Variants in VAV3 observed in about 807,000 individuals in gnomAD.
VAV3 encodes the protein guanine nucleotide exchange factor VAV3.
A neutral mutation model predicts 131.2 loss-of-function variants in VAV3; 94 were observed. The ratio of observed to expected loss-of-function variants is 0.72; its 90% CI spans 0.61 to 0.85. The LOEUF (loss-of-function observed/expected upper bound fraction) is 0.85. Among genes scored for constraint, VAV3 ranks in the 40% least tolerant of loss-of-function variants. The pLI, the probability that VAV3 is intolerant of heterozygous loss-of-function variation, is 0.00. For missense variants in VAV3, 939 were observed against 1,002.7 expected, an observed-to-expected ratio of 0.94 and a Z score of 0.86; for synonymous variants, 349 against 342.0, an observed-to-expected ratio of 1.02 and a Z score of -0.22.
At chr1:107,726,414 C>T (rs12130995) in intron 15 of VAV3, among the ~76,000 whole-genome samples, 21,527 of 152,194 alleles carry the variant, frequency 0.14, 1,731 homozygotes, top group African/African-American at 0.2. Context: ...AGGTGTGGAC[C>T]GCCAATGGCC....
chr1:107,669,609 C>T, intron 19 of VAV3: 1 of 1,099,416 alleles, frequency 9.1e-7, no homozygotes, highest in Admixed American at 4.4e-5. Flanking sequence ...TCTTGCACAA[C>T]AGGTTTTTTT....
At chr1:107,658,264 CA>C (rs1168035130) in intron 19 of VAV3, among the ~76,000 whole-genome samples, 3 of 152,206 alleles carry the variant, frequency 2.0e-5, no homozygotes, top group African/African-American at 7.2e-5. Context: ...CATGTCCCTA[CA>C]AAGGACATGA....
At chr1:107,860,493 T>C (rs1165278880) in intron 2 of VAV3, among the ~76,000 whole-genome samples, 2 of 151,458 alleles carry the variant, frequency 1.3e-5, no homozygotes, top group Admixed American at 6.6e-5. Flanking sequence ...TATTAACCTA[T>C]TGGGTTTCTT....
intron 1 of VAV3, among the ~76,000 whole-genome samples, chr1:107,891,234 G>A (rs7522306): frequency 2.0e-5 from 3 of 151,726 alleles, no homozygotes; most frequent in East Asian, 3.9e-4. Flanking sequence ...CATTCTTCAC[G>A]CCATTACATT....
chr1:107,818,296 C>A (rs183366822), intron 2 of VAV3, among the ~76,000 whole-genome samples: 1 of 152,314 alleles, frequency 6.6e-6, no homozygotes, highest in East Asian at 1.9e-4. Flanking sequence ...CAATCAGTAT[C>A]CACATGGAGC....
intron 2 of VAV3, among the ~76,000 whole-genome samples, chr1:107,833,555 A>T (rs913080940): frequency 9.9e-5 from 15 of 151,758 alleles, no homozygotes; most frequent in Non-Finnish European, 1.9e-4. Flanking sequence ...AATTTTAGAA[A>T]TTTTTTTTTC....
chr1:107,576,394 G>T lies in VAV3; in HGVS notation c.2351-2196C>A, dbSNP rs1320259219. The T allele has an allele frequency of 2.0e-6, 3 of 1,515,384 alleles. No individual in the cohort carries two copies. The African/African-American group carries it at 4.2e-5, about 21-fold the overall frequency. The allele number at this position is 1,515,384 out of a possible 1,614,324, so 93.9% of individuals were successfully genotyped here. On this transcript the variant is annotated intron_variant, in intron 25 of 26. Coordinates refer to ENST00000370056, the MANE Select transcript of VAV3 (RefSeq NM_006113.5). ...AAATAAAAGTAGTAAAGCAGTACCT[G>T]ACCAGAAAGGAGTGGAAGAAGGGGG...
At chr1:107,734,558 T>G (rs1662469793) in intron 15 of VAV3, among the ~76,000 whole-genome samples, 1 of 152,084 alleles carries the variant, frequency 6.6e-6, no homozygotes, top group African/African-American at 2.4e-5. Context: ...GGCCTTGCAA[T>G]CCTAGTCTCT....
chr1:107,793,394 C>T (rs548132815), intron 2 of VAV3, among the ~76,000 whole-genome samples: 5 of 152,306 alleles, frequency 3.3e-5, no homozygotes, highest in African/African-American at 1.2e-4. Flanking sequence ...TTATACTTGT[C>T]CTAATTTCTG....
At chr1:107,887,449 C>G (rs925373692) in intron 1 of VAV3, among the ~76,000 whole-genome samples, 9 of 152,162 alleles carry the variant, frequency 5.9e-5, no homozygotes, top group Non-Finnish European at 1.3e-4. Flanking sequence ...GGATAGAAAT[C>G]TGCCCAACAC....
chr1:107,930,431 T>G (rs1479617560), intron 1 of VAV3, among the ~76,000 whole-genome samples: 1 of 152,118 alleles, frequency 6.6e-6, no homozygotes, highest in Non-Finnish European at 1.5e-5. Flanking sequence ...ATAGAAAGTC[T>G]GCCCCTCCCC....
At chr1:107,633,132 G>A (rs1279720930) in intron 20 of VAV3, among the ~76,000 whole-genome samples, 2 of 151,770 alleles carry the variant, frequency 1.3e-5, no homozygotes, top group Non-Finnish European at 2.9e-5. Context: ...CTCAAAACAT[G>A]AAAATAATTG....
At chr1:107,933,396 T>C (rs1018635250) in intron 1 of VAV3, among the ~76,000 whole-genome samples, 1 of 152,064 alleles carries the variant, frequency 6.6e-6, no homozygotes, top group South Asian at 2.1e-4. Flanking sequence ...AATCTGACCA[T>C]TTCAAATTCT....
chr1:107,763,338 G>A (rs185632175), intron 9 of VAV3, among the ~76,000 whole-genome samples: 30 of 152,270 alleles, frequency 2.0e-4, no homozygotes, highest in South Asian at 6.2e-4. Context: ...CCAGAGTATG[G>A]TCATTGGGCA....
rs118081304 is a variant in VAV3, at chr1:107,659,611, A to T, written c.1778-16856T>A. ...AAACATAAAAATATTTTGTATTTTT[A>T]CATAACCTTCTTGGAATCTACAGAA... On this transcript the variant is annotated intron_variant, in intron 19 of 26. Transcript: ENST00000370056. Among the ~76,000 whole-genome samples the T allele has an allele frequency of 1.2e-3, 189 of 152,280 alleles. 7 individuals carry two copies. In the East Asian group the frequency reaches 0.035, roughly 28 times the overall value.
chr1:107,910,223 T>C (rs772066942), intron 1 of VAV3, among the ~76,000 whole-genome samples: 1 of 152,188 alleles, frequency 6.6e-6, no homozygotes, highest in Non-Finnish European at 1.5e-5. Context: ...GCCTTACCAA[T>C]ACCCAATCTA....
At chr1:107,786,488 C>A (rs368853628) in intron 2 of VAV3, among the ~76,000 whole-genome samples, 22 of 152,168 alleles carry the variant, frequency 1.4e-4, no homozygotes, top group African/African-American at 5.1e-4. Context: ...TAAAACATCA[C>A]TTATCAAACA....
intron 2 of VAV3, among the ~76,000 whole-genome samples, 158 bp from the exon 3 acceptor site, chr1:107,779,650 A>C (rs1479270412): frequency 6.6e-6 from 1 of 152,208 alleles, no homozygotes; most frequent in Non-Finnish European, 1.5e-5. Context: ...ATTGGGAAGT[A>C]TAAACACCTG....
intron 20 of VAV3, among the ~76,000 whole-genome samples, chr1:107,634,601 T>C (rs1245908113): frequency 3.3e-5 from 5 of 150,726 alleles, no homozygotes; most frequent in Middle Eastern, 3.4e-3. Flanking sequence ...GCAATGGCAA[T>C]GAAAGCCAAA....
Sources: gnomAD v4.1 joint callset for allele counts (sites outside exome capture counted in the v4.1 genomes callset) on GRCh38, gnomAD v4.1.1 for gene constraint, MANE v1.5 for transcripts, NCBI Gene and HGNC (gene_info 2026-07-23, HGNC 2026-07-21) for gene names.